The following PDS5B variants were observed in gnomAD, a reference collection of about 807,000 sequenced individuals.
The protein encoded by PDS5B is sister chromatid cohesion protein PDS5 homolog B.
A neutral mutation model predicts 184.1 loss-of-function variants in PDS5B; 51 were observed. The observed-to-expected ratio is 0.28, with a 90% CI of 0.22 to 0.35. The LOEUF (loss-of-function observed/expected upper bound fraction) is 0.35. Ranked by LOEUF, PDS5B falls within the 10% of genes least tolerant of loss-of-function variation. PDS5B has a pLI of 1.00. For missense variants in PDS5B, 1,180 were observed against 1,723.3 expected (o/e 0.68, Z 5.58); for synonymous variants, 566 against 569.2 (o/e 0.99, Z 0.08).
At chr13:32,609,762 G>A (rs2058112850) in intron 1 of PDS5B, among the ~76,000 whole-genome samples, 1 of 152,116 alleles carries the variant, frequency 6.6e-6, no homozygotes, top group Admixed American at 6.6e-5. Flanking sequence ...TGTTGGTCAT[G>A]AAGAGTCCAA....
intron 1 of PDS5B, among the ~76,000 whole-genome samples, chr13:32,589,532 G>T (rs190506746): frequency 3.5e-4 from 54 of 152,188 alleles, no homozygotes; most frequent in African/African-American, 1.1e-3. Flanking sequence ...ACTTGACATG[G>T]CATTTATTTA....
Position 32,774,023 on chromosome 13 carries a change from C to T in PDS5B, c.4308+699C>T, listed in dbSNP as rs149375856. Among the ~76,000 whole-genome samples the T allele has an allele frequency of 6.3e-3, 966 of 152,204 alleles. 9 individuals carry two copies. Among genetic ancestry groups the T allele is most frequent in the African/African-American group, 0.022 (915 of 41,530 alleles). The stretch of plus-strand genomic sequence containing the variant: ...TTTACCATGTTGGTCAGGCTGGTCT[C>T]GAACTCTTGACCTCAAGTGATCTGC... On this transcript the variant is annotated intron_variant, in intron 34 of 34. Coordinates refer to ENST00000315596, the MANE Select transcript of PDS5B (RefSeq NM_015032.4).
At chr13:32,627,121 C>T (rs1247075941) in intron 1 of PDS5B, among the ~76,000 whole-genome samples, 1 of 152,164 alleles carries the variant, frequency 6.6e-6, no homozygotes, top group Non-Finnish European at 1.5e-5. Context: ...CTACCTTGAG[C>T]TGATAAGCTT....
chr13:32,704,928 A>G (rs1951965506), intron 17 of PDS5B, among the ~76,000 whole-genome samples: 1 of 152,132 alleles, frequency 6.6e-6, no homozygotes. Flanking sequence ...GAAAAGTGCT[A>G]TTGATTTTTG....
At chr13:32,659,345 T>C in intron 6 of PDS5B, 65 bp downstream of exon 6, 1 of 1,254,242 alleles carries the variant, frequency 8.0e-7, no homozygotes, top group Non-Finnish European at 1.1e-6. Context: ...AAATTTGTGC[T>C]TAGGTTCTAA....
chr13:32,704,636 T>G (rs1951954887), intron 17 of PDS5B, among the ~76,000 whole-genome samples: 1 of 152,256 alleles, frequency 6.6e-6, no homozygotes. Flanking sequence ...TCTTACATGG[T>G]TTGGATCCTT....
chr13:32,635,765 ATTTT>A (rs34580707), intron 1 of PDS5B, among the ~76,000 whole-genome samples: 2 of 108,474 alleles, frequency 1.8e-5, no homozygotes. Context: ...TAGTATTCTG[ATTTT>A]TTTTTTTTTT....
chr13:32,720,346 C>T lies in PDS5B; in HGVS notation c.2123+10240C>T, dbSNP rs557645791. On this transcript the variant is annotated intron_variant, in intron 19 of 34. Transcript: ENST00000315596. ...TGATGCTATGCTTCTAGGTTGGTAA[C>T]GTGGTAATATATGCAAACTTAAAAT... 4.6e-5 allele frequency among the ~76,000 whole-genome samples: 7 copies of T among 152,022 alleles called. No homozygotes were observed. In the South Asian group the frequency reaches 6.2e-4, roughly 14 times the overall value.
At position 32,732,131 on chromosome 13, in the gene PDS5B, TA is replaced by T; in HGVS notation, c.2160del (p.Gly721AspfsTer35). On this transcript the variant is annotated frameshift_variant, in exon 20 of 35. Transcript: ENST00000315596. LOFTEE classifies it high-confidence loss of function. ...TGCTTCCTGTTTTACATCACAAATCTAAAAAAGGACCCCCCCGTCAAGCCAA... is the reference window on the plus strand; with the variant it reads ...TGCTTCCTGTTTTACATCACAAATCTAAAAAGGACCCCCCCGTCAAGCCAA... Reference protein sequence around the residue: ...ALLPVLHHKSKKGPPRQAKYA... With the variant: ...ALLPVLHHKSXKGPPRQAKYA... 3 of 1,610,278 alleles carry T rather than the reference TA, an allele frequency of 1.9e-6. No individual in the cohort carries two copies. The highest frequency in any genetic ancestry group is 1.7e-5 in the Admixed American group (1 of 59,828).
At chr13:32,746,150 G>T in intron 24 of PDS5B, 50 bp downstream of exon 24, 1 of 1,534,680 alleles carries the variant, frequency 6.5e-7, no homozygotes. Flanking sequence ...TTGACTTTTA[G>T]GAAGGAAAAA....
chr13:32,648,390 C>G (rs1338909468), intron 1 of PDS5B, among the ~76,000 whole-genome samples: 1 of 152,134 alleles, frequency 6.6e-6, no homozygotes, highest in Non-Finnish European at 1.5e-5. Context: ...CCCAGTGTTC[C>G]CACTTACTTC....
chr13:32,649,734 A>C (rs1183424295), intron 2 of PDS5B: 5 of 152,148 alleles, frequency 3.3e-5, no homozygotes, highest in Non-Finnish European at 7.4e-5. Flanking sequence ...ATAAAGTCTT[A>C]ATATTGTACA....
At chr13:32,750,833 C>T (rs113522114) in intron 24 of PDS5B, among the ~76,000 whole-genome samples, 1,644 of 149,244 alleles carry the variant, frequency 0.011, 35 homozygotes, top group African/African-American at 0.036. Context: ...TGAGCCACTG[C>T]GCCCGGCCTC....
intron 1 of PDS5B, among the ~76,000 whole-genome samples, chr13:32,590,788 C>G (rs1325808253): frequency 1.3e-5 from 2 of 152,000 alleles, no homozygotes; most frequent in Non-Finnish European, 1.5e-5. Flanking sequence ...AGTTAGCTTT[C>G]AGATATGGGA....
chr13:32,706,111 C>T (rs1952002161), intron 17 of PDS5B, among the ~76,000 whole-genome samples: 1 of 151,866 alleles, frequency 6.6e-6, no homozygotes, highest in Non-Finnish European at 1.5e-5. Flanking sequence ...AACCCCGTCT[C>T]TACTAAAAAT....
intron 21 of PDS5B, among the ~76,000 whole-genome samples, chr13:32,736,508 TTCTG>T (rs1212672698): frequency 1.3e-5 from 2 of 152,218 alleles, no homozygotes; most frequent in East Asian, 1.9e-4. Flanking sequence ...TCTGAAGGTC[TTCTG>T]TCTGTTTGCT....
chr13:32,767,053 A>T (rs943401654), intron 31 of PDS5B, among the ~76,000 whole-genome samples: 42 of 152,284 alleles, frequency 2.8e-4, no homozygotes, highest in Non-Finnish European at 5.0e-4. Flanking sequence ...AAATCCAGTC[A>T]TGTATAGATC....
chr13:32,657,964 G>A (rs1257557438), intron 3 of PDS5B, among the ~76,000 whole-genome samples: 1 of 151,948 alleles, frequency 6.6e-6, no homozygotes, highest in African/African-American at 2.4e-5. Context: ...CACTTTTCAG[G>A]TTTATTTGTT....
At chr13:32,692,233 G>T (rs1951569611) in intron 13 of PDS5B, among the ~76,000 whole-genome samples, 1 of 151,756 alleles carries the variant, frequency 6.6e-6, no homozygotes, top group African/African-American at 2.4e-5. Context: ...CTTTTTATGT[G>T]AATCAGTTTT....
Sources: gnomAD v4.1 joint callset for allele counts (sites outside exome capture counted in the v4.1 genomes callset) on GRCh38, gnomAD v4.1.1 for gene constraint, MANE v1.5 for transcripts, NCBI Gene and HGNC (gene_info 2026-07-23, HGNC 2026-07-21) for gene names.